The following LHFPL2 variants were observed in gnomAD, a reference collection of about 807,000 sequenced individuals.
LHFPL2 encodes LHFPL tetraspan subfamily member 2 protein.
In LHFPL2, 7 loss-of-function variants were observed where a neutral mutation model predicts 17.5. That is an observed-to-expected ratio of 0.40 (90% CI 0.23 to 0.75). The LOEUF is 0.75. Among genes scored for constraint, LHFPL2 ranks in the 30% least tolerant of loss-of-function variants. LHFPL2 has a pLI of 0.37. For synonymous variants in LHFPL2, 134 were observed against 116.2 expected (o/e 1.15, Z -0.99); for missense variants, 241 against 294.8 (o/e 0.82, Z 1.34).
intron 2 of LHFPL2, among the ~76,000 whole-genome samples, chr5:78,583,346 G>C (rs1455885703): frequency 6.6e-6 from 1 of 151,764 alleles, no homozygotes; most frequent in Non-Finnish European, 1.5e-5. Context: ...TGGTGATTTT[G>C]CTCGTTAGTT....
chr5:78,519,861 T>C (rs1013849584), intron 3 of LHFPL2, among the ~76,000 whole-genome samples: 9 of 152,234 alleles, frequency 5.9e-5, no homozygotes, highest in Non-Finnish European at 1.2e-4. Flanking sequence ...ATCTGGCATG[T>C]AGGTAATTAG....
chr5:78,606,274 C>T (rs1206017860), intron 2 of LHFPL2, among the ~76,000 whole-genome samples: 3 of 152,316 alleles, frequency 2.0e-5, no homozygotes, highest in Non-Finnish European at 1.5e-5. Flanking sequence ...GCCTAAGCGA[C>T]CATCTGGTTT....
At chr5:78,644,653 A>C in intron 1 of LHFPL2, 1 of 324,694 alleles carries the variant, frequency 3.1e-6, no homozygotes, top group East Asian at 8.0e-5. Flanking sequence ...GGTCTTGTCC[A>C]TCTTTGACAT....
At chr5:78,560,833 A>G (rs10068182) in intron 3 of LHFPL2, among the ~76,000 whole-genome samples, 72,731 of 152,012 alleles carry the variant, frequency 0.48, 17,918 homozygotes, top group African/African-American at 0.59. Context: ...AAAACTAATA[A>G]GGAAAATAGT....
rs61193086 is a variant in LHFPL2 at position 78,592,727 on chromosome 5, T to TACAC, written c.-244-27860_-244-27857dup. 4.9e-3 allele frequency among the ~76,000 whole-genome samples: 152 copies of TACAC among 30,874 alleles called. 11 individuals are homozygous for TACAC. The highest frequency in any genetic ancestry group is 9.1e-3 in the Non-Finnish European group (124 of 13,682). 20.3% of individuals were successfully genotyped at this position (30,874 alleles called of 152,430 possible). On this transcript the variant is annotated intron_variant, in intron 2 of 4. Coordinates refer to ENST00000380345, the MANE Select transcript of LHFPL2 (RefSeq NM_005779.3). ...TCTTCAACTTAGTGAAAAATTCAGA[T>TACAC]ACACACACACACACACACACACACA...
intron 3 of LHFPL2, among the ~76,000 whole-genome samples, chr5:78,552,544 C>A (rs1178614027): frequency 6.6e-6 from 1 of 152,210 alleles, no homozygotes; most frequent in East Asian, 1.9e-4. Flanking sequence ...AAACCTGATG[C>A]CAACTTATTC....
At chr5:78,584,559 G>C (rs1743292463) in intron 2 of LHFPL2, among the ~76,000 whole-genome samples, 1 of 152,138 alleles carries the variant, frequency 6.6e-6, no homozygotes, top group Admixed American at 6.5e-5. Flanking sequence ...GTGTCAGTCT[G>C]CCCCTGCTGG....
chr5:78,518,723 C>G (rs901226379), intron 3 of LHFPL2, among the ~76,000 whole-genome samples: 1 of 151,694 alleles, frequency 6.6e-6, no homozygotes, highest in African/African-American at 2.4e-5. Flanking sequence ...GATGAAGTCA[C>G]TGCACGCTCA....
At chr5:78,572,006 C>A (rs375485183) in intron 2 of LHFPL2, among the ~76,000 whole-genome samples, 22 of 152,142 alleles carry the variant, frequency 1.4e-4, no homozygotes, top group Admixed American at 1.4e-3. Flanking sequence ...TTGATGAATA[C>A]ACGCGTGGGC....
intron 4 of LHFPL2, among the ~76,000 whole-genome samples, chr5:78,507,941 TACACACACACACACACACAC>T (rs10562386): frequency 6.7e-6 from 1 of 148,460 alleles, no homozygotes; most frequent in African/African-American, 2.5e-5. Flanking sequence ...TACACATGCA[TACACACACACACACACACAC>T]ACACACACAC....
intron 2 of LHFPL2, among the ~76,000 whole-genome samples, chr5:78,623,856 C>T (rs1439087432): frequency 2.0e-5 from 3 of 152,202 alleles, no homozygotes; most frequent in South Asian, 2.1e-4. Flanking sequence ...CAAAGCACTA[C>T]GCTAGCACCA....
chr5:78,576,597 G>A (rs1179474080), intron 2 of LHFPL2, among the ~76,000 whole-genome samples: 2 of 152,166 alleles, frequency 1.3e-5, no homozygotes, highest in African/African-American at 2.4e-5. Flanking sequence ...TGCAGGAGAA[G>A]AGAAGGCCCC....
At chr5:78,536,486 C>G (rs1206520493) in intron 3 of LHFPL2, among the ~76,000 whole-genome samples, 1 of 152,242 alleles carries the variant, frequency 6.6e-6, no homozygotes, top group Non-Finnish European at 1.5e-5. Context: ...GAACTCTGGC[C>G]TCTCAGGGAA....
chr5:78,545,643 G>C (rs888767047), intron 3 of LHFPL2, among the ~76,000 whole-genome samples: 1 of 152,154 alleles, frequency 6.6e-6, no homozygotes, highest in Non-Finnish European at 1.5e-5. Context: ...GAGCCACCTG[G>C]ATGTGCTGTG....
At chr5:78,521,653 T>C (rs951074762) in intron 3 of LHFPL2, among the ~76,000 whole-genome samples, 9 of 152,188 alleles carry the variant, frequency 5.9e-5, no homozygotes, top group Non-Finnish European at 1.2e-4. Flanking sequence ...TCTGATAAGA[T>C]AAATTACTTG....
intron 1 of LHFPL2, among the ~76,000 whole-genome samples, chr5:78,645,952 A>C (rs1745862829): frequency 1.3e-5 from 2 of 152,230 alleles, no homozygotes; most frequent in Admixed American, 6.5e-5. Flanking sequence ...GTTTGTATCT[A>C]AGAGCAGTAA....
At chr5:78,607,061 T>C (rs1005384054) in intron 2 of LHFPL2, among the ~76,000 whole-genome samples, 3 of 152,182 alleles carry the variant, frequency 2.0e-5, no homozygotes, top group African/African-American at 7.2e-5. Flanking sequence ...CCCAACATGG[T>C]CCATCACAGT....
At chr5:78,546,635 A>G (rs1260345482) in intron 3 of LHFPL2, among the ~76,000 whole-genome samples, 1 of 152,200 alleles carries the variant, frequency 6.6e-6, no homozygotes, top group Non-Finnish European at 1.5e-5. Flanking sequence ...TTAGAACACC[A>G]CAATCTGGCA....
intron 4 of LHFPL2, among the ~76,000 whole-genome samples, chr5:78,507,240 G>A (rs1362470871): frequency 6.6e-6 from 1 of 152,022 alleles, no homozygotes; most frequent in African/African-American, 2.4e-5. Flanking sequence ...TGAGGCAGGA[G>A]AATCGCTTGA....
Sources: gnomAD v4.1 joint callset for allele counts (sites outside exome capture counted in the v4.1 genomes callset) on GRCh38, gnomAD v4.1.1 for gene constraint, MANE v1.5 for transcripts, NCBI Gene and HGNC (gene_info 2026-07-23, HGNC 2026-07-21) for gene names.